The following MAP7D2 variants were observed in gnomAD, a reference collection of about 807,000 sequenced individuals.
The protein encoded by MAP7D2 is MAP7 domain-containing protein 2.
In MAP7D2, 33 loss-of-function variants were observed where a neutral mutation model predicts 63.5. The ratio of observed to expected loss-of-function variants is 0.52; its 90% CI spans 0.39 to 0.70. MAP7D2 has a LOEUF of 0.70. Ranked by LOEUF, MAP7D2 falls within the 30% of genes least tolerant of loss-of-function variation. MAP7D2 has a pLI of 0.00. For missense variants in MAP7D2, 626 were observed against 604.0 expected (o/e 1.04, Z -0.38); for synonymous variants, 224 against 223.7 (o/e 1.00, Z -0.01).
chrX:20,076,654 T>G (rs1192497069), intron 1 of MAP7D2, among the ~76,000 whole-genome samples: 1 of 107,231 alleles, frequency 9.3e-6, no homozygotes, highest in Non-Finnish European at 1.9e-5. Flanking sequence ...TGAGCCAAGA[T>G]CACGCCACTG....
chrX:20,063,038 T>C (rs1184490459), intron 3 of MAP7D2, among the ~76,000 whole-genome samples: 1 of 110,009 alleles, frequency 9.1e-6, no homozygotes, highest in Non-Finnish European at 1.9e-5. Flanking sequence ...TCTTTTTTTT[T>C]TTCCCCTATC....
intron 1 of MAP7D2, among the ~76,000 whole-genome samples, chrX:20,109,215 G>A (rs1344981269): frequency 9.1e-6 from 1 of 109,312 alleles, no homozygotes; most frequent in Admixed American, 1.0e-4. Flanking sequence ...ACAGTGGCAC[G>A]GGGGGTTAAA....
At chrX:20,080,428 T>C (rs920718464) in intron 1 of MAP7D2, among the ~76,000 whole-genome samples, 1 of 110,404 alleles carries the variant, frequency 9.1e-6, no homozygotes, top group Non-Finnish European at 1.9e-5. Flanking sequence ...CAAATGGGGC[T>C]AGAATGAGAT....
chrX:20,107,576 C>G (rs1025789763), intron 1 of MAP7D2, among the ~76,000 whole-genome samples: 12 of 109,518 alleles, frequency 1.1e-4, no homozygotes, highest in Admixed American at 2.0e-4. Flanking sequence ...GTTTCCCGCC[C>G]CCCCCAAAAT....
chrX:20,111,031 T>A (rs1003691378), intron 1 of MAP7D2, among the ~76,000 whole-genome samples: 1 of 111,437 alleles, frequency 9.0e-6, no homozygotes, highest in African/African-American at 3.3e-5. Context: ...AACTTCTGCT[T>A]CCTTATTCAA....
Position 20,116,891 on chromosome X carries a change from G to C in MAP7D2, c.-12C>G, listed in dbSNP as rs760786258. The C allele has an allele frequency of 5.5e-6, 6 of 1,097,255 alleles. No homozygotes were observed. The highest frequency in any genetic ancestry group is 2.4e-6 in the Non-Finnish European group (2 of 840,241). 90.4% of individuals were successfully genotyped at this position (1,097,255 alleles called of 1,213,427 possible). On this transcript the variant is annotated 5_prime_UTR_variant, in exon 1 of 17. Transcript: ENST00000379643. ...CCGCCGCGCTCCATCGGGATGCGCC[G>C]GCCGCACAGGCGCACTGCCAAGCCC...
At chrX:20,050,559 AG>A (rs2064920198) in intron 6 of MAP7D2, among the ~76,000 whole-genome samples, 1 of 111,953 alleles carries the variant, frequency 8.9e-6, no homozygotes, top group South Asian at 3.7e-4. Context: ...TCTTAAGAAA[AG>A]TCTACTAACC....
intron 10 of MAP7D2, among the ~76,000 whole-genome samples, chrX:20,020,717 A>T (rs991477878): frequency 8.9e-6 from 1 of 111,872 alleles, no homozygotes. Context: ...TAGGCTCAGC[A>T]GCAAAAAGCC....
intron 1 of MAP7D2, among the ~76,000 whole-genome samples, chrX:20,112,622 G>A (rs770116534): frequency 9.0e-6 from 1 of 111,216 alleles, no homozygotes; most frequent in African/African-American, 3.3e-5. Context: ...AAGGGCGGCT[G>A]CCCTCTACTA....
rs375432396 is a variant in MAP7D2, at chrX:20,046,805, G to C, written c.719-2281C>G. 1.6e-4 allele frequency among the ~76,000 whole-genome samples: 18 copies of C among 112,983 alleles called. No individual in the cohort carries two copies. In the South Asian group the frequency reaches 3.6e-3, roughly 23 times the overall value. On this transcript the variant is annotated intron_variant, in intron 6 of 16. Coordinates refer to ENST00000379643, the MANE Select transcript of MAP7D2 (RefSeq NM_001168465.2). Reference sequence around the variant, plus strand: ...TGTCCTTTCTTTGAAAGGTCTGGGTGAGAGTAGGGGATGATTAAGAAAATG... The same window carrying C: ...TGTCCTTTCTTTGAAAGGTCTGGGTCAGAGTAGGGGATGATTAAGAAAATG...
chrX:20,097,381 C>A (rs2066300946), intron 1 of MAP7D2, among the ~76,000 whole-genome samples: 1 of 111,199 alleles, frequency 9.0e-6, no homozygotes, highest in Non-Finnish European at 1.9e-5. Flanking sequence ...GGGTGAAGCA[C>A]CTAAGTAGTG....
intron 1 of MAP7D2, among the ~76,000 whole-genome samples, chrX:20,084,471 T>C (rs990778673): frequency 9.0e-6 from 1 of 111,115 alleles, no homozygotes; most frequent in African/African-American, 3.3e-5. Flanking sequence ...AAACTTCTGA[T>C]AGGTGTTTGA....
intron 1 of MAP7D2, among the ~76,000 whole-genome samples, chrX:20,080,589 C>T (rs1348037605): frequency 9.0e-6 from 1 of 110,555 alleles, no homozygotes; most frequent in African/African-American, 3.3e-5. Flanking sequence ...GGAGTCTCAC[C>T]TGATAAAGGG....
intron 10 of MAP7D2, among the ~76,000 whole-genome samples, chrX:20,017,759 G>A: frequency 9.0e-6 from 1 of 111,053 alleles, no homozygotes; most frequent in South Asian, 3.8e-4. Context: ...GTCCAACACA[G>A]GATTATCCAA....
chrX:20,056,488 A>G (rs2065071205), intron 4 of MAP7D2, among the ~76,000 whole-genome samples, 192 bp downstream of exon 4: 1 of 112,193 alleles, frequency 8.9e-6, no homozygotes, highest in Non-Finnish European at 1.9e-5. Context: ...AAGAATGCAC[A>G]GATCCCCTTC....
chrX:20,104,168 GA>G (rs1024318604), intron 1 of MAP7D2, among the ~76,000 whole-genome samples: 2 of 112,321 alleles, frequency 1.8e-5, no homozygotes, highest in African/African-American at 6.5e-5. Context: ...TTATTCTTCA[GA>G]AAAAAATTTG....
At chrX:20,037,323 C>T (rs1456674276) in intron 8 of MAP7D2, among the ~76,000 whole-genome samples, 1 of 111,361 alleles carries the variant, frequency 9.0e-6, no homozygotes, top group African/African-American at 3.3e-5. Context: ...TGATCGGGCT[C>T]GAGCAGGTCC....
intron 1 of MAP7D2, among the ~76,000 whole-genome samples, chrX:20,094,442 A>G (rs1228277896): frequency 6.8e-5 from 6 of 88,763 alleles, no homozygotes; most frequent in Non-Finnish European, 1.4e-4. Context: ...TTGTTGCTAA[A>G]GATTATGAGA....
At chrX:20,110,309 G>A (rs1603411148) in intron 1 of MAP7D2, among the ~76,000 whole-genome samples, 1 of 109,452 alleles carries the variant, frequency 9.1e-6, no homozygotes, top group South Asian at 4.0e-4. Flanking sequence ...CCAACGTGGT[G>A]AAACCCGATC....
Sources: allele counts gnomAD v4.1 joint callset (sites outside exome capture counted in the v4.1 genomes callset), GRCh38; gene constraint gnomAD v4.1.1; transcripts MANE v1.5; gene names NCBI Gene and HGNC (gene_info 2026-07-23, HGNC 2026-07-21).